BAZ2B: variants seen among roughly 807,000 people sequenced by gnomAD.
BAZ2B encodes the protein bromodomain adjacent to zinc finger domain 2B.
BAZ2B carries 91 observed loss-of-function variants against 246.0 expected under a neutral mutation model. The ratio of observed to expected loss-of-function variants is 0.37; its 90% CI spans 0.31 to 0.44. The LOEUF is 0.44. BAZ2B is among the 20% of genes least tolerant of loss of function. BAZ2B has a pLI of 1.00. For synonymous variants in BAZ2B, 855 were observed against 860.0 expected (o/e 0.99, Z 0.10); for missense variants, 2,332 against 2,533.7 (o/e 0.92, Z 1.71).
At chr2:159,646,084 T>TG in the BAZ2B span, among the ~76,000 whole-genome samples, 1 of 152,296 alleles carries the variant, frequency 6.6e-6, no homozygotes, top group African/African-American at 2.4e-5. Flanking sequence ...CTAATAAGCC[T>TG]GAGAGCACTA....
chr2:159,382,868 A>C (rs943006424), intron 24 of BAZ2B, 66 bp from the exon 25 acceptor site: 1 of 1,545,818 alleles, frequency 6.5e-7, no homozygotes, highest in Non-Finnish European at 8.7e-7. Context: ...TAAAAGAGCA[A>C]AACATGAGTT....
chr2:159,663,694 T>C, the BAZ2B span, among the ~76,000 whole-genome samples: 1 of 151,608 alleles, frequency 6.6e-6, no homozygotes, highest in African/African-American at 2.4e-5. Flanking sequence ...AATTTTTGTA[T>C]TTTTGGTAGA....
At chr2:159,457,570 TTTG>T (rs1356544126) in intron 3 of BAZ2B, among the ~76,000 whole-genome samples, 1 of 152,190 alleles carries the variant, frequency 6.6e-6, no homozygotes, top group Non-Finnish European at 1.5e-5. Flanking sequence ...CTGGTCCTAA[TTTG>T]TTAACATTAA....
intron 3 of BAZ2B, chr2:159,461,920 C>CA (rs2076449410): frequency 6.5e-6 from 1 of 153,292 alleles, no homozygotes; most frequent in African/African-American, 2.4e-5. Flanking sequence ...TCAAAGCAGT[C>CA]AGAGGGAGAA....
intron 14 of BAZ2B, among the ~76,000 whole-genome samples, chr2:159,409,112 T>C (rs959396698): frequency 8.5e-5 from 13 of 152,110 alleles, no homozygotes; most frequent in African/African-American, 2.9e-4. Flanking sequence ...AAAGTATCTT[T>C]TGTGGCTTAA....
intron 2 of BAZ2B, among the ~76,000 whole-genome samples, chr2:159,527,380 A>T (rs2084872484): frequency 6.6e-6 from 1 of 152,106 alleles, no homozygotes; most frequent in Non-Finnish European, 1.5e-5. Context: ...GTTTTCAAGT[A>T]TTTCCTCCCA....
At chr2:159,687,066 T>C in the BAZ2B span, among the ~76,000 whole-genome samples, 21 of 141,704 alleles carry the variant, frequency 1.5e-4, no homozygotes, top group African/African-American at 5.2e-4. Flanking sequence ...AAAGGCACCA[T>C]AGTAATTGAA....
At chr2:159,344,088 G>C (rs957307233) in intron 31 of BAZ2B, among the ~76,000 whole-genome samples, 4 of 150,636 alleles carry the variant, frequency 2.7e-5, no homozygotes, top group African/African-American at 9.8e-5. Flanking sequence ...GCATAGAAAA[G>C]GGAACTCTTA....
At chr2:159,346,624 G>C (rs905967909) in intron 31 of BAZ2B, among the ~76,000 whole-genome samples, 1 of 152,092 alleles carries the variant, frequency 6.6e-6, no homozygotes, top group African/African-American at 2.4e-5. Flanking sequence ...TGGAAGTGGA[G>C]GTTGCAGTAA....
rs1559398431 is a variant in BAZ2B at position 159,433,100 on chromosome 2, A to C, written c.1557T>G (p.Ile519Met). Residue 519 changes from isoleucine (I) to methionine (M), a missense_variant, in exon 9 of 37, where the codon ATT (isoleucine) becomes ATG (methionine). This residue lies in a region of BAZ2B where 651 missense variants were observed against 650.9 expected (regional missense o/e 1.00). Transcript: ENST00000392783. ...TACTTGCAGCAGCAATGTTTTCATT[A>C]ATCTTGCTCTGCATTTTAGTTTTGG... ...LTTKTKMQSK[I>M]NENIAAASST... The C allele has an allele frequency of 6.2e-7, 1 of 1,614,216 alleles. No homozygotes were observed. The highest frequency in any genetic ancestry group is 8.5e-7 in the Non-Finnish European group (1 of 1,180,030).
At chr2:159,570,006 T>C (rs1683568726) in intron 1 of BAZ2B, among the ~76,000 whole-genome samples, 1 of 152,178 alleles carries the variant, frequency 6.6e-6, no homozygotes, top group African/African-American at 2.4e-5. Context: ...GTTTTCAATA[T>C]ACATGTGTTA....
the BAZ2B span, among the ~76,000 whole-genome samples, chr2:159,674,700 G>A: frequency 7.2e-6 from 1 of 139,552 alleles, no homozygotes. Context: ...TGGGTGACAA[G>A]AATGAAGCTC....
intron 2 of BAZ2B, among the ~76,000 whole-genome samples, chr2:159,545,542 C>T (rs1364845290): frequency 2.0e-5 from 3 of 147,472 alleles, no homozygotes; most frequent in Admixed American, 2.0e-4. Flanking sequence ...ACTATACATT[C>T]CAGTTACACA....
At chr2:159,408,996 G>T (rs141554197) in intron 14 of BAZ2B, among the ~76,000 whole-genome samples, 3 of 151,146 alleles carry the variant, frequency 2.0e-5, no homozygotes, top group African/African-American at 7.3e-5. Flanking sequence ...ACCTAGAAAA[G>T]TTCACCCAAG....
intron 1 of BAZ2B, among the ~76,000 whole-genome samples, chr2:159,567,886 CGCTTGAACCTGG>C (rs1187272622): frequency 6.6e-6 from 1 of 152,152 alleles, no homozygotes; most frequent in Non-Finnish European, 1.5e-5. Flanking sequence ...GCAGGAGAAT[CGCTTGAACCTGG>C]GAGGCGGAGG....
chr2:159,613,884 T>C (rs537096764), intron 1 of BAZ2B, among the ~76,000 whole-genome samples: 1 of 152,168 alleles, frequency 6.6e-6, no homozygotes, highest in East Asian at 1.9e-4. Context: ...CCTGGATAAA[T>C]AGATAACACC....
the BAZ2B span, among the ~76,000 whole-genome samples, chr2:159,658,742 C>T: frequency 6.6e-6 from 1 of 152,110 alleles, no homozygotes; most frequent in South Asian, 2.1e-4. Context: ...TGGTCTTGAA[C>T]TCCTGAGCTT....
chr2:159,395,108 T>A (rs144872740), intron 20 of BAZ2B, among the ~76,000 whole-genome samples: 1 of 151,814 alleles, frequency 6.6e-6, no homozygotes, highest in East Asian at 1.9e-4. Context: ...TTTAAAAAAA[T>A]GGCTTGAAAA....
chr2:159,439,764 G>A (rs962886841), intron 6 of BAZ2B, among the ~76,000 whole-genome samples: 7 of 152,122 alleles, frequency 4.6e-5, no homozygotes, highest in African/African-American at 1.7e-4. Flanking sequence ...GTGCTGTAGA[G>A]AAGATAAAGT....
Sources: allele counts gnomAD v4.1 joint callset (sites outside exome capture counted in the v4.1 genomes callset), GRCh38; gene constraint gnomAD v4.1.1; regional missense constraint gnomAD v4.1.1; transcripts MANE v1.5; gene names NCBI Gene and HGNC (gene_info 2026-07-23, HGNC 2026-07-21).